Variants in TCF20 observed in about 807,000 individuals in gnomAD.
TCF20 encodes the protein transcription factor 20.
TCF20 carries 3 observed loss-of-function variants against 148.6 expected under a neutral mutation model. That is an observed-to-expected ratio of 0.02 (90% CI 0.01 to 0.05). The LOEUF (loss-of-function observed/expected upper bound fraction) is 0.05. Among genes scored for constraint, TCF20 ranks in the 10% least tolerant of loss-of-function variants. TCF20 has a pLI of 1.00. For missense variants in TCF20, 2,350 were observed against 2,429.3 expected (o/e 0.97, Z 0.69); for synonymous variants, 1,049 against 909.5 (o/e 1.15, Z -2.76).
intron 2 of TCF20, among the ~76,000 whole-genome samples, chr22:42,184,101 A>G (rs1460502450): frequency 6.6e-6 from 1 of 151,914 alleles, no homozygotes; most frequent in Non-Finnish European, 1.5e-5. Flanking sequence ...TTTCTCCCTC[A>G]ATTTGCCTAG....
upstream of TCF20, among the ~76,000 whole-genome samples, chr22:42,284,696 C>T (rs951222938): frequency 2.6e-5 from 4 of 152,192 alleles, no homozygotes; most frequent in African/African-American, 9.7e-5. Flanking sequence ...AGTCCCATCT[C>T]AGGGAGGCCA....
At chr22:42,218,942 G>C (rs1922072723) in intron 1 of TCF20, among the ~76,000 whole-genome samples, 1 of 151,890 alleles carries the variant, frequency 6.6e-6, no homozygotes, top group Non-Finnish European at 1.5e-5. Context: ...CAGGGTTCCA[G>C]TCATGCTAAA....
In TCF20 at chr22:42,292,088, C is replaced by T. The variant is rs1236047465; in HGVS notation, c.-37+51391G>A. On this transcript the variant is annotated intron_variant, in intron 1 of 1. Transcript: ENST00000515426. The surrounding 1 kb of genome is among the most constrained non-coding windows in gnomAD (Gnocchi z 4.9). ...CCACCCCTCGTATGAGACCCGTGAG[C>T]ACTAATGGGGCCTCACTCCCATTTC... 6.6e-6 allele frequency among the ~76,000 whole-genome samples: 1 copy of T among 152,148 alleles called. No homozygotes were observed. The highest frequency in any genetic ancestry group is 2.4e-5 in the African/African-American group (1 of 41,404).
intron 1 of TCF20, among the ~76,000 whole-genome samples, chr22:42,229,396 A>T (rs1056574463): frequency 6.6e-6 from 1 of 152,206 alleles, no homozygotes; most frequent in Non-Finnish European, 1.5e-5. Flanking sequence ...TCCAGTCTGT[A>T]ACTTCCATAA....
chr22:42,167,807 C>G (rs1428355390), intron 5 of TCF20, among the ~76,000 whole-genome samples: 1 of 152,014 alleles, frequency 6.6e-6, no homozygotes, highest in Non-Finnish European at 1.5e-5. Context: ...GCAGCCTCAA[C>G]CTCCAGGTTT....
intron 1 of TCF20, among the ~76,000 whole-genome samples, chr22:42,331,265 G>A (rs1458255899): frequency 6.6e-6 from 1 of 152,178 alleles, no homozygotes. Context: ...CGAGCCACCG[G>A]GTGCTGCACA....
In TCF20 at chr22:42,290,144, G is replaced by A. The variant is rs1927107844; in HGVS notation, c.-37+53335C>T. The stretch of plus-strand genomic sequence containing the variant: ...GGGGGACAAGGGCCAGCAGGAGGCA[G>A]GGCTGGGCCCCAATCCTTGCTGGGG... On this transcript the variant is annotated intron_variant, in intron 1 of 1. Coordinates refer to the TCF20 transcript ENST00000515426. The surrounding 1 kb of genome is among the most constrained non-coding windows in gnomAD (Gnocchi z 4.2). Among the ~76,000 whole-genome samples, 1 of 152,176 alleles carries A rather than the reference G, an allele frequency of 6.6e-6. No homozygotes were observed. Among genetic ancestry groups the A allele is most frequent in the Admixed American group, 6.5e-5 (1 of 15,280 alleles).
chr22:42,254,152 T>C (rs931584662), intron 1 of TCF20, among the ~76,000 whole-genome samples: 17 of 152,016 alleles, frequency 1.1e-4, no homozygotes, highest in African/African-American at 4.1e-4. Flanking sequence ...CGAAATTTTA[T>C]TTACTGATTC....
chr22:42,237,717 G>C (rs1407394451), intron 1 of TCF20, among the ~76,000 whole-genome samples: 1 of 152,212 alleles, frequency 6.6e-6, no homozygotes, highest in East Asian at 1.9e-4. Flanking sequence ...TGTTGTGTTA[G>C]CAAGCATGAA....
chr22:42,240,867 T>C (rs575657476), intron 1 of TCF20, among the ~76,000 whole-genome samples: 1 of 152,220 alleles, frequency 6.6e-6, no homozygotes, highest in South Asian at 2.1e-4. Flanking sequence ...CTTTTTTTTT[T>C]TTCTGAGACA....
intron 1 of TCF20, among the ~76,000 whole-genome samples, chr22:42,306,733 C>T (rs1927441021): frequency 6.6e-6 from 1 of 152,180 alleles, no homozygotes; most frequent in African/African-American, 2.4e-5. Flanking sequence ...AGGAGGGCAA[C>T]ACTTGTTGAA....
intron 1 of TCF20, among the ~76,000 whole-genome samples, chr22:42,301,839 G>A (rs752053973): frequency 2.0e-4 from 30 of 152,236 alleles, no homozygotes; most frequent in South Asian, 4.1e-4. Flanking sequence ...TCAGTTCTCC[G>A]AGGAGGAGCA....
In TCF20 at chr22:42,214,317, T is replaced by G. The variant is rs866000286; in HGVS notation, c.989A>C (p.Gln330Pro). Residue 330 changes from glutamine (Q) to proline (P), a missense_variant, in exon 2 of 6, where the codon CAG becomes CCG. This residue lies in a region of TCF20 where 1,641 missense variants were observed against 1,662.6 expected (regional missense o/e 0.99). Transcript: ENST00000677622. ...QQQHPSQHVM[Q>P]YTNAATKLPL... ...CAGCTTGGTGGCAGCGTTAGTATAC[T>G]GCATCACATGCTGAGAAGGGTGTTG... is the stretch of plus-strand genomic sequence containing the variant. 1 of 1,614,248 alleles carries G rather than the reference T, an allele frequency of 6.2e-7. No homozygotes were observed.
At chr22:42,183,457 G>A (rs1386492296) in intron 2 of TCF20, among the ~76,000 whole-genome samples, 1 of 152,202 alleles carries the variant, frequency 6.6e-6, no homozygotes, top group East Asian at 1.9e-4. Context: ...GTCAGCTTCA[G>A]GGAGACCTGA....
In TCF20 at chr22:42,214,714, T is replaced by C; in HGVS notation, c.592A>G (p.Thr198Ala). 6 of 1,614,170 alleles carry C rather than the reference T, an allele frequency of 3.7e-6. No individual in the cohort carries two copies. Among genetic ancestry groups the C allele is most frequent in the Non-Finnish European group, 5.1e-6 (6 of 1,180,028 alleles). ...YQSHQPLPQA[T>A]GQPASSSSHL... ...GATGAGCTGGATGCTGGTTGGCCAG[T>C]GGCCTGTGGCAGGGGCTGATGGGAC... The change falls in exon 2 of 6, where the codon ACT (threonine) becomes GCT (alanine). Residue 198 changes from threonine (T) to alanine (A), a missense_variant. Transcript: ENST00000677622.
intron 1 of TCF20, among the ~76,000 whole-genome samples, chr22:42,320,764 T>G (rs991110906): frequency 6.6e-6 from 1 of 152,174 alleles, no homozygotes; most frequent in Non-Finnish European, 1.5e-5. Context: ...AAGCCGGGAA[T>G]CCCCATTTAT....
intron 2 of TCF20, among the ~76,000 whole-genome samples, chr22:42,183,461 G>A (rs926987987): frequency 6.6e-6 from 1 of 152,208 alleles, no homozygotes; most frequent in African/African-American, 2.4e-5. Flanking sequence ...GCTTCAGGGA[G>A]ACCTGATGAT....
chr22:42,239,213 A>G (rs939386128), intron 1 of TCF20, among the ~76,000 whole-genome samples: 33 of 152,078 alleles, frequency 2.2e-4, no homozygotes, highest in Non-Finnish European at 7.4e-5. Flanking sequence ...GCGGTGGCTC[A>G]TGCCTGTAAT....
intron 1 of TCF20, among the ~76,000 whole-genome samples, chr22:42,326,232 C>A (rs1325027823): frequency 1.3e-5 from 2 of 152,156 alleles, no homozygotes; most frequent in African/African-American, 4.8e-5. Context: ...CTCCCAAGTG[C>A]CCGTGAGATC....
Sources: gnomAD v4.1 joint callset for allele counts (sites outside exome capture counted in the v4.1 genomes callset) on GRCh38, gnomAD v4.1.1 for gene constraint, gnomAD v4.1.1 regional missense constraint, Gnocchi (gnomAD v3.1) non-coding constraint, MANE v1.5 for transcripts, NCBI Gene and HGNC (gene_info 2026-07-23, HGNC 2026-07-21) for gene names.